COL24A1: variants seen among roughly 807,000 people sequenced by gnomAD.
COL24A1 encodes collagen type XXIV alpha 1 chain.
In COL24A1, 224 loss-of-function variants were observed where a neutral mutation model predicts 253.9. That is an observed-to-expected ratio of 0.88 (90% CI 0.79 to 0.99). The LOEUF is 0.99. Among genes scored for constraint, COL24A1 ranks in the 50% least tolerant of loss-of-function variants. The pLI is 0.00. For missense variants in COL24A1, 2,131 were observed against 2,068.5 expected (o/e 1.03, Z -0.59); for synonymous variants, 685 against 673.7 (o/e 1.02, Z -0.26).
chr1:85,743,770 T>G (rs1485738630), intron 57 of COL24A1, among the ~76,000 whole-genome samples: 1 of 152,174 alleles, frequency 6.6e-6, no homozygotes, highest in Non-Finnish European at 1.5e-5. Flanking sequence ...ATTATTTTAG[T>G]TTTTATATTA....
intron 53 of COL24A1, among the ~76,000 whole-genome samples, chr1:85,772,518 T>C (rs1668090477): frequency 6.6e-6 from 1 of 151,762 alleles, no homozygotes; most frequent in Non-Finnish European, 1.5e-5. Context: ...GTATGTTTAT[T>C]GCGGCGTTAT....
At chr1:85,768,836 T>C (rs1182595734) in intron 53 of COL24A1, among the ~76,000 whole-genome samples, 1 of 152,182 alleles carries the variant, frequency 6.6e-6, no homozygotes, top group Non-Finnish European at 1.5e-5. Context: ...CAGTATCCTA[T>C]TAACTTTGTC....
intron 12 of COL24A1, among the ~76,000 whole-genome samples, chr1:86,040,937 C>T (rs561525344): frequency 1.3e-5 from 2 of 152,224 alleles, no homozygotes; most frequent in East Asian, 1.9e-4. Context: ...TGAGATGCTA[C>T]TATGCAATAT....
intron 43 of COL24A1, 51 bp from the exon 44 acceptor site, chr1:85,823,789 A>C: frequency 6.6e-7 from 1 of 1,516,970 alleles, no homozygotes; most frequent in Non-Finnish European, 9.1e-7. Flanking sequence ...CATGTGACTT[A>C]AGAGAATAGG....
At chr1:85,811,547 T>C (rs1672538683) in intron 47 of COL24A1, among the ~76,000 whole-genome samples, 1 of 152,216 alleles carries the variant, frequency 6.6e-6, no homozygotes, top group Non-Finnish European at 1.5e-5. Context: ...GTCATTTACC[T>C]TCCCAACAGC....
chr1:86,150,758 T>A (rs1257910137), intron 1 of COL24A1, among the ~76,000 whole-genome samples: 1 of 152,152 alleles, frequency 6.6e-6, no homozygotes, highest in Non-Finnish European at 1.5e-5. Context: ...TGGATTTTCC[T>A]CCTTATGATG....
intron 43 of COL24A1, among the ~76,000 whole-genome samples, chr1:85,835,816 T>C (rs368927603): frequency 7.9e-5 from 12 of 152,264 alleles, no homozygotes; most frequent in African/African-American, 2.9e-4. Flanking sequence ...AACTAGACAA[T>C]GGTGATGGTT....
intron 5 of COL24A1, among the ~76,000 whole-genome samples, chr1:86,099,750 C>G (rs1211944186): frequency 6.6e-6 from 1 of 152,062 alleles, no homozygotes; most frequent in Non-Finnish European, 1.5e-5. Context: ...ATGGCATGGA[C>G]TAGGGATGAC....
chr1:86,016,808 T>C (rs1383289758), intron 19 of COL24A1, among the ~76,000 whole-genome samples: 2 of 152,232 alleles, frequency 1.3e-5, no homozygotes, highest in African/African-American at 2.4e-5. Flanking sequence ...TATATGGATA[T>C]AGCAATAATT....
intron 57 of COL24A1, among the ~76,000 whole-genome samples, chr1:85,743,255 C>T (rs937304896): frequency 2.0e-5 from 3 of 152,094 alleles, no homozygotes; most frequent in Admixed American, 6.6e-5. Flanking sequence ...CCTATATGCA[C>T]TCTCTTCCAT....
intron 24 of COL24A1, among the ~76,000 whole-genome samples, chr1:85,958,366 G>C (rs1429743601): frequency 6.6e-6 from 1 of 151,740 alleles, no homozygotes; most frequent in African/African-American, 2.4e-5. Context: ...ATAGTCCCTT[G>C]TACTATTTTT....
At chr1:85,992,836 G>T (rs1694418432) in intron 19 of COL24A1, among the ~76,000 whole-genome samples, 1 of 152,216 alleles carries the variant, frequency 6.6e-6, no homozygotes, top group Non-Finnish European at 1.5e-5. Context: ...CCTTAGTGAA[G>T]GAAAGAAACA....
chr1:85,742,021 C>A (rs1191864292), intron 57 of COL24A1, among the ~76,000 whole-genome samples: 2 of 152,126 alleles, frequency 1.3e-5, no homozygotes, highest in Non-Finnish European at 2.9e-5. Context: ...ATCCAGTTTG[C>A]CTCTTATCTC....
At chr1:85,850,437 T>C (rs1417674215) in intron 37 of COL24A1, among the ~76,000 whole-genome samples, 1 of 152,206 alleles carries the variant, frequency 6.6e-6, no homozygotes, top group African/African-American at 2.4e-5. Flanking sequence ...TCATACCCTA[T>C]GCTCCTGAGA....
intron 2 of COL24A1, among the ~76,000 whole-genome samples, chr1:86,132,174 T>C (rs993428325): frequency 2.6e-5 from 4 of 152,222 alleles, no homozygotes; most frequent in South Asian, 4.1e-4. Flanking sequence ...TTTTGAGAAG[T>C]GTCTGCTCAT....
intron 37 of COL24A1, among the ~76,000 whole-genome samples, chr1:85,858,656 C>T (rs866420334): frequency 6.7e-6 from 1 of 149,160 alleles, no homozygotes; most frequent in Non-Finnish European, 1.5e-5. Flanking sequence ...TCCTTCCTTC[C>T]TTCCTTCCTT....
chr1:85,743,079 T>C (rs1378912796), intron 57 of COL24A1, among the ~76,000 whole-genome samples: 1 of 152,136 alleles, frequency 6.6e-6, no homozygotes, highest in Non-Finnish European at 1.5e-5. Flanking sequence ...TTAGCTAGAG[T>C]AATATTTTAA....
intron 20 of COL24A1, among the ~76,000 whole-genome samples, chr1:85,977,569 C>A (rs1285021725): frequency 6.6e-6 from 1 of 151,998 alleles, no homozygotes; most frequent in Non-Finnish European, 1.5e-5. Context: ...CAGAGAAATA[C>A]AAAATGCACT....
rs780363946 is a variant in COL24A1, at chr1:85,971,353, A to G, written c.2405T>C (p.Leu802Pro). The G allele has an allele frequency of 1.2e-6, 2 of 1,612,720 alleles. No individual in the cohort carries two copies. The highest frequency in any genetic ancestry group is 1.7e-6 in the Non-Finnish European group (2 of 1,179,428). Residue 802 changes from leucine to proline, a missense_variant, in exon 21 of 60, where the codon CTC becomes CCC. By Grantham distance (98) the Leu-to-Pro change is moderately conservative (BLOSUM62 -3). Transcript: ENST00000370571. ...GNRGPPGPPG[L>P]KGTQGEEGPI... ...CTTCTTCCATACCTGAGTTCCTTTGAGACCAGGAGGTCCAGGAGGTCCTCT... is the reference window on the plus strand; with the variant it reads ...CTTCTTCCATACCTGAGTTCCTTTGGGACCAGGAGGTCCAGGAGGTCCTCT...
Sources: allele counts gnomAD v4.1 joint callset (sites outside exome capture counted in the v4.1 genomes callset), GRCh38; gene constraint gnomAD v4.1.1; transcripts MANE v1.5; gene names NCBI Gene and HGNC (gene_info 2026-07-23, HGNC 2026-07-21).